The following SP100 variants were observed in gnomAD, a reference collection of about 807,000 sequenced individuals.
SP100 encodes nuclear autoantigen Sp-100.
SP100 carries 84 observed loss-of-function variants against 130.0 expected under a neutral mutation model. That is an observed-to-expected ratio of 0.65 (90% confidence interval 0.54 to 0.77). The LOEUF (loss-of-function observed/expected upper bound fraction) is 0.77. Ranked by LOEUF, SP100 falls within the 30% of genes least tolerant of loss-of-function variation. The probability of loss-of-function intolerance (pLI) is 0.00; values close to 1 mark genes in which losing one functional copy is unlikely to be tolerated. For missense variants in SP100, 978 were observed against 1,052.2 expected, an observed-to-expected ratio of 0.93 and a Z score of 0.97; for synonymous variants, 331 against 351.7, an observed-to-expected ratio of 0.94 and a Z score of 0.66.
intron 24 of SP100, chr2:230,514,939 G>A: frequency 8.0e-7 from 1 of 1,257,316 alleles, no homozygotes. Flanking sequence ...AGTACATTGA[G>A]CTCCATAGAG....
chr2:230,473,634 C>A (rs1385046202), intron 16 of SP100, among the ~76,000 whole-genome samples, 194 bp downstream of exon 16: 1 of 152,172 alleles, frequency 6.6e-6, no homozygotes, highest in Non-Finnish European at 1.5e-5. Flanking sequence ...TCCTGCTGCA[C>A]TTGACTGTGA....
At chr2:230,455,917 T>G (rs2149945461) in intron 8 of SP100, among the ~76,000 whole-genome samples, 1 of 152,372 alleles carries the variant, frequency 6.6e-6, no homozygotes, top group South Asian at 2.1e-4. Context: ...TCATTTAAAA[T>G]GTTTGATGTC....
rs1345217153 is a variant in SP100 at position 230,543,175 on chromosome 2, C to A, written c.*229C>A. The A allele has an allele frequency of 5.7e-6, 2 of 352,958 alleles. No homozygotes were observed. The highest frequency in any genetic ancestry group is 1.0e-5 in the Non-Finnish European group (2 of 191,502). 21.9% of individuals were successfully genotyped at this position (352,958 alleles called of 1,614,324 possible). On this transcript the variant is annotated 3_prime_UTR_variant, in exon 29 of 29. Transcript: ENST00000340126. The stretch of plus-strand genomic sequence containing the variant: ...GGAACATATCCCAAAATAATAAGAG[C>A]CATTTATGACAAACCCACAGACAAC...
At chr2:230,458,188 A>G (rs1160724398) in intron 8 of SP100, among the ~76,000 whole-genome samples, 1 of 152,252 alleles carries the variant, frequency 6.6e-6, no homozygotes, top group Non-Finnish European at 1.5e-5. Flanking sequence ...ACTGCTGTTG[A>G]CCAGAAGCCT....
At chr2:230,467,415 T>G (rs1575671346) in intron 13 of SP100, among the ~76,000 whole-genome samples, 200 bp downstream of exon 13, 1 of 152,242 alleles carries the variant, frequency 6.6e-6, no homozygotes, top group East Asian at 1.9e-4. Context: ...GGCAGTGGCC[T>G]GTTTACTACA....
chr2:230,445,381 G>A (rs919015055), intron 4 of SP100, among the ~76,000 whole-genome samples: 1 of 152,144 alleles, frequency 6.6e-6, no homozygotes, highest in Non-Finnish European at 1.5e-5. Context: ...TGCAAAACAG[G>A]GCAAATTAGA....
intron 2 of SP100, among the ~76,000 whole-genome samples, chr2:230,428,548 T>C (rs955860830): frequency 3.4e-4 from 51 of 152,184 alleles, no homozygotes; most frequent in African/African-American, 1.2e-3. Context: ...GTTCATGCCA[T>C]TCTCCTGCCT....
chr2:230,505,928 C>T (rs1690058848), intron 21 of SP100, among the ~76,000 whole-genome samples: 1 of 152,176 alleles, frequency 6.6e-6, no homozygotes, highest in Non-Finnish European at 1.5e-5. Context: ...CTTCATCCAC[C>T]TCTCTGAAAT....
intron 2 of SP100, among the ~76,000 whole-genome samples, chr2:230,418,154 T>G (rs1200532546): frequency 1.3e-5 from 2 of 152,224 alleles, no homozygotes; most frequent in African/African-American, 2.4e-5. Flanking sequence ...TGGAGCCACT[T>G]TAGCCTTCAC....
intron 2 of SP100, among the ~76,000 whole-genome samples, chr2:230,433,448 C>G (rs565789706): frequency 6.6e-6 from 1 of 152,108 alleles, no homozygotes; most frequent in Admixed American, 6.6e-5. Flanking sequence ...CTTTTTTCTT[C>G]TTTTTCAAGA....
chr2:230,421,788 C>T (rs11682084), intron 2 of SP100, among the ~76,000 whole-genome samples: 73 of 151,938 alleles, frequency 4.8e-4, no homozygotes, highest in African/African-American at 1.7e-3. Flanking sequence ...TCTCTTTGAT[C>T]CCTTGATTCT....
At chr2:230,460,280 G>A (rs907599248) in intron 8 of SP100, among the ~76,000 whole-genome samples, 6 of 152,016 alleles carry the variant, frequency 3.9e-5, no homozygotes, top group Non-Finnish European at 8.8e-5. Flanking sequence ...TTTCTATAAT[G>A]GAATACTATC....
intron 24 of SP100, among the ~76,000 whole-genome samples, chr2:230,529,607 G>A (rs182660798): frequency 7.9e-4 from 121 of 152,238 alleles, no homozygotes; most frequent in Non-Finnish European, 1.3e-3. Context: ...AGAAATAAAC[G>A]GCATTCATTT....
Position 230,449,560 on chromosome 2 carries a change from G to T in SP100, c.587-1G>T. 6.2e-7 allele frequency: 1 copy of T among 1,613,946 alleles called. No homozygotes were observed. The highest frequency in any genetic ancestry group is 8.5e-7 in the Non-Finnish European group (1 of 1,179,958). The stretch of plus-strand genomic sequence containing the variant: ...TACCTGTGAATCAAACCATGGTTTA[G>T]GTACAACCCCACCTGAAAATGGACT... On this transcript the variant is annotated splice_acceptor_variant, in intron 6 of 28. Coordinates refer to ENST00000340126, the MANE Select transcript of SP100 (RefSeq NM_001080391.2). LOFTEE classifies it high-confidence loss of function.
At chr2:230,419,437 A>G (rs1363476131) in intron 2 of SP100, among the ~76,000 whole-genome samples, 1 of 152,210 alleles carries the variant, frequency 6.6e-6, no homozygotes, top group African/African-American at 2.4e-5. Flanking sequence ...GTCCTGGTAT[A>G]ACAGAGCTTG....
At chr2:230,459,434 A>G (rs994654180) in intron 8 of SP100, among the ~76,000 whole-genome samples, 17 of 152,248 alleles carry the variant, frequency 1.1e-4, no homozygotes, top group African/African-American at 4.1e-4. Flanking sequence ...CTCAGGCATC[A>G]CTTCCTCTCC....
chr2:230,452,818 GTTTT>G (rs371944455), intron 8 of SP100, among the ~76,000 whole-genome samples: 2 of 122,056 alleles, frequency 1.6e-5, no homozygotes, highest in Admixed American at 8.2e-5. Context: ...AGTTCTAGCA[GTTTT>G]TTTTTTTTTT....
Position 230,460,281 on chromosome 2 carries a change from G to A in SP100, c.821-981G>A, listed in dbSNP as rs79797884. On this transcript the variant is annotated intron_variant, in intron 8 of 28. Coordinates refer to ENST00000340126, the MANE Select transcript of SP100 (RefSeq NM_001080391.2). The stretch of plus-strand genomic sequence containing the variant: ...TAATTCATGGCTTATTTCTATAATG[G>A]AATACTATCTAGTAGTGAAAATAAT... Among the ~76,000 whole-genome samples, 164 of 152,164 alleles carry A rather than the reference G, an allele frequency of 1.1e-3. 5 individuals are homozygous for A. The East Asian group carries it at 0.028, about 26-fold the overall frequency.
chr2:230,440,672 TTTCTTGAAGAAATTGACAAACTGATTTGA>T (rs2063440967), intron 2 of SP100: 1 of 994,952 alleles, frequency 1.0e-6, no homozygotes, highest in Non-Finnish European at 1.3e-6. Context: ...CCTAAAGTTT[TTTCTTGAAGAAATTGACAAACTGATTTGA>T]AAAGATAATG....
Sources: allele counts gnomAD v4.1 joint callset (sites outside exome capture counted in the v4.1 genomes callset), GRCh38; gene constraint gnomAD v4.1.1; transcripts MANE v1.5; gene names NCBI Gene and HGNC (gene_info 2026-07-23, HGNC 2026-07-21).